Variants in NADK2 observed in about 807,000 individuals in gnomAD.
NADK2 encodes NAD kinase 2, mitochondrial, also known as NAD kinase domain-containing protein 1, mitochondrial.
NADK2 carries 35 observed loss-of-function variants against 62.1 expected under a neutral mutation model. The observed-to-expected ratio is 0.56, with a 90% CI of 0.43 to 0.75. The LOEUF is 0.75. Ranked by LOEUF, NADK2 falls within the 30% of genes least tolerant of loss-of-function variation. NADK2 has a pLI of 0.00. For synonymous variants in NADK2, 205 were observed against 207.9 expected (o/e 0.99, Z 0.12); for missense variants, 439 against 561.3 (o/e 0.78, Z 2.20).
At position 36,241,459 on chromosome 5, in the gene NADK2, G is replaced by A; in HGVS notation, c.300+40C>T. On this transcript the variant is annotated intron_variant, in intron 1 of 11. Coordinates refer to ENST00000381937, the MANE Select transcript of NADK2 (RefSeq NM_001085411.3). The surrounding 1 kb of genome is among the most constrained non-coding windows in gnomAD (Gnocchi z 4.9). ...GGGCGCAGCCGCCACCAGAGCCCCG[G>A]CCGAGCCCGGGAGCGAAGCGGGGCC... 1 of 1,497,028 alleles carries A rather than the reference G, an allele frequency of 6.7e-7. No homozygotes were observed. The highest frequency in any genetic ancestry group is 1.2e-5 in the South Asian group (1 of 82,360). The allele number at this position is 1,497,028 out of a possible 1,614,324, so 92.7% of individuals were successfully genotyped here. A position where few individuals can be genotyped will look rare whatever the true frequency, so the allele number is the denominator to read the frequency against.
At position 36,241,801 on chromosome 5, in the gene NADK2, TG is replaced by T; in HGVS notation, c.-4del. On this transcript the variant is annotated 5_prime_UTR_variant, in exon 1 of 12. Transcript: ENST00000381937. The surrounding 1 kb of genome is among the most constrained non-coding windows in gnomAD (Gnocchi z 4.9). ...AAGAAGCCTCGGTAGCAAGTCATCGTGGGCCGGGCCGCGGCCGCGGGCTTGG... is the reference window on the plus strand; with the variant it reads ...AAGAAGCCTCGGTAGCAAGTCATCGTGGCCGGGCCGCGGCCGCGGGCTTGG... 1.5e-6 allele frequency: 2 copies of T among 1,317,234 alleles called. No homozygotes were observed. The highest frequency in any genetic ancestry group is 1.9e-6 in the Non-Finnish European group (2 of 1,033,126). 81.6% of individuals were successfully genotyped at this position (1,317,234 alleles called of 1,614,324 possible).
chr5:36,227,426 T>C (rs530914073), intron 2 of NADK2, 51 bp downstream of exon 2: 1 of 873,890 alleles, frequency 1.1e-6, no homozygotes, highest in South Asian at 3.2e-5. Flanking sequence ...AAATAAAAAC[T>C]GGAAGTCCTG....
rs1412785522 is a variant in NADK2 at position 36,241,727 on chromosome 5, C to T, written c.72G>A (p.Arg24=). The stretch of plus-strand genomic sequence containing the variant: ...CGGCGGGGCCTCCCGCACCCGGTCC[C>T]CGCAGCGCCGCCGCCCGGCCGCCCG... ...RVAGGRAAAL[R]GPGAGGPAAR... The change falls in exon 1 of 12, where the codon CGG becomes CGA. Residue 24 remains arginine (R), a synonymous_variant. Transcript: ENST00000381937. This position sits in a 1 kb window ranked among gnomAD's most constrained non-coding sequence, Gnocchi z 4.9. 4.0e-6 allele frequency: 5 copies of T among 1,244,672 alleles called. No individual in the cohort carries two copies. The highest frequency in any genetic ancestry group is 3.6e-5 in the Admixed American group (1 of 27,398). The allele number at this position is 1,244,672 out of a possible 1,614,324, so 77.1% of individuals were successfully genotyped here.
Position 36,211,929 on chromosome 5 carries a change from G to T in NADK2, c.782-7C>A, listed in dbSNP as rs758455995. ...GGTCCTGAAGCCTCAGACCCTGCAT[G>T]TAATTTAAGACAAAGAAAATCCAAG... On this transcript the variant is annotated splice_region_variant and splice_polypyrimidine_tract_variant and intron_variant, in intron 6 of 11. Transcript: ENST00000381937. The T allele has an allele frequency of 6.2e-7, 1 of 1,605,674 alleles. No homozygotes were observed.
At chr5:36,207,588 G>A (rs1746689584) in intron 7 of NADK2, among the ~76,000 whole-genome samples, 1 of 151,966 alleles carries the variant, frequency 6.6e-6, no homozygotes, top group African/African-American at 2.4e-5. Context: ...AACATATACA[G>A]AGCCTCATTT....
At chr5:36,211,808 T>C in intron 7 of NADK2, 36 bp downstream of exon 7, 1 of 1,551,430 alleles carries the variant, frequency 6.4e-7, no homozygotes, top group South Asian at 1.1e-5. Flanking sequence ...ACTAAAACAT[T>C]AAATTCCATG....
intron 6 of NADK2, among the ~76,000 whole-genome samples, chr5:36,217,316 A>T (rs1294354052): frequency 1.3e-5 from 2 of 152,192 alleles, no homozygotes; most frequent in African/African-American, 2.4e-5. Context: ...AAGCTACACA[A>T]ATACTTCAAG....
Position 36,231,884 on chromosome 5 carries a change from AC to A in NADK2, c.301-4320del, listed in dbSNP as rs531887328. Among the ~76,000 whole-genome samples the A allele has an allele frequency of 7.2e-5, 11 of 152,266 alleles. No homozygotes were observed. The East Asian group carries it at 1.9e-3, about 27-fold the overall frequency. On this transcript the variant is annotated intron_variant, in intron 1 of 11. Coordinates refer to ENST00000381937, the MANE Select transcript of NADK2 (RefSeq NM_001085411.3). The stretch of plus-strand genomic sequence containing the variant: ...GCAATGTTACACAACATTATTAGTA[AC>A]AGTCTTTAATATTTTCCCCAAAAAC...
intron 7 of NADK2, chr5:36,208,801 T>G (rs1322662111): frequency 2.8e-6 from 2 of 716,854 alleles, no homozygotes; most frequent in East Asian, 5.4e-5. Context: ...CTTCATATTT[T>G]CCAAGCAAGG....
Position 36,241,365 on chromosome 5 carries a change from G to T in NADK2, c.300+134C>A, listed in dbSNP as rs949589626. 1.9e-5 allele frequency: 26 copies of T among 1,337,646 alleles called. No homozygotes were observed. Among genetic ancestry groups the T allele is most frequent in the Non-Finnish European group, 2.2e-5 (23 of 1,044,924 alleles). The allele number at this position is 1,337,646 out of a possible 1,614,324, so 82.9% of individuals were successfully genotyped here. ...CAGGGAGAAGCCAGAGGACCTGGGGGCCGCGAGAGAGGCAGGACCGGCATC... is the reference window on the plus strand; with the variant it reads ...CAGGGAGAAGCCAGAGGACCTGGGGTCCGCGAGAGAGGCAGGACCGGCATC... On this transcript the variant is annotated intron_variant, in intron 1 of 11. Transcript: ENST00000381937. The surrounding 1 kb of genome is among the most constrained non-coding windows in gnomAD (Gnocchi z 4.9).
At position 36,195,121 on chromosome 5, in the gene NADK2, A is replaced by C; in HGVS notation, c.*23T>G. On this transcript the variant is annotated 3_prime_UTR_variant, in exon 12 of 12. Coordinates refer to ENST00000381937, the MANE Select transcript of NADK2 (RefSeq NM_001085411.3). ...AGTAAAAATATTCTCGCCAGTAATC[A>C]AAATTTGTCATGAGGAAATCCTTCA... 1 of 1,584,862 alleles carries C rather than the reference A, an allele frequency of 6.3e-7. No homozygotes were observed.
At chr5:36,225,694 A>C (rs1747456957) in intron 3 of NADK2, 71 bp from the exon 4 acceptor site, 2 of 1,434,968 alleles carry the variant, frequency 1.4e-6, no homozygotes, top group Non-Finnish European at 1.9e-6. Context: ...GGCCATTTTG[A>C]AAATCAGTAG....
chr5:36,226,521 A>C lies in NADK2; in HGVS notation c.432T>G (p.Tyr144Ter). ...CTGCCCATCGAACAGTCTCTTCATC[A>C]TATTCTCTCCTCTTTACTAGACGAA... is the stretch of plus-strand genomic sequence containing the variant. The part of the protein sequence containing the change: ...IEVRLVKRRE[Y>*]DEETVRWADA... Residue 144 changes from tyrosine (Y) to a stop codon, truncating the protein, a stop_gained, in exon 3 of 12, where the codon TAT becomes TAG. Transcript: ENST00000381937. LOFTEE classifies it high-confidence loss of function. 1.2e-6 allele frequency: 2 copies of C among 1,613,152 alleles called. No homozygotes were observed. The highest frequency in any genetic ancestry group is 1.7e-6 in the Non-Finnish European group (2 of 1,179,548).
intron 5 of NADK2, among the ~76,000 whole-genome samples, chr5:36,218,837 A>T (rs535029140): frequency 6.6e-6 from 1 of 152,328 alleles, no homozygotes; most frequent in East Asian, 1.9e-4. Context: ...AGATACCAGG[A>T]ATCTCAGCAT....
intron 5 of NADK2, 99 bp downstream of exon 5, chr5:36,219,497 T>C (rs755807392): frequency 1.1e-5 from 11 of 1,041,066 alleles, no homozygotes; most frequent in South Asian, 4.3e-5. Flanking sequence ...AGGCGTGAGA[T>C]ACCGTGCCCT....
At chr5:36,210,794 C>A (rs1746812623) in intron 7 of NADK2, among the ~76,000 whole-genome samples, 1 of 152,150 alleles carries the variant, frequency 6.6e-6, no homozygotes, top group South Asian at 2.1e-4. Flanking sequence ...AATAGGAAAT[C>A]TTAATATGAA....
At chr5:36,219,479 G>A (rs1443955087) in intron 5 of NADK2, 117 bp downstream of exon 5, 8 of 832,206 alleles carry the variant, frequency 9.6e-6, no homozygotes, top group Non-Finnish European at 5.7e-6. Flanking sequence ...CCAAAGTACT[G>A]GGATTACAGG....
At chr5:36,228,666 C>G (rs1040037465) in intron 1 of NADK2, among the ~76,000 whole-genome samples, 1 of 151,514 alleles carries the variant, frequency 6.6e-6, no homozygotes, top group African/African-American at 2.4e-5. Context: ...TTGCCCAGGC[C>G]GGGGTGTGGT....
intron 4 of NADK2, among the ~76,000 whole-genome samples, chr5:36,222,084 T>C (rs1033712384): frequency 5.9e-5 from 9 of 152,322 alleles, no homozygotes; most frequent in East Asian, 5.8e-4. Flanking sequence ...AAGGAATTTA[T>C]AGTCTAATGA....
Sources: allele counts gnomAD v4.1 joint callset (sites outside exome capture counted in the v4.1 genomes callset), GRCh38; gene constraint gnomAD v4.1.1; non-coding constraint Gnocchi (gnomAD v3.1); transcripts MANE v1.5; gene names NCBI Gene and HGNC (gene_info 2026-07-23, HGNC 2026-07-21).